Variants in KAZN observed in about 807,000 individuals in gnomAD.
The protein encoded by KAZN is kazrin, periplakin interacting protein, also known as kazrin.
In KAZN, 40 loss-of-function variants were observed where a neutral mutation model predicts 87.4. That is an observed-to-expected ratio of 0.46 (90% CI 0.36 to 0.60). The LOEUF is 0.60. Among genes scored for constraint, KAZN ranks in the 20% least tolerant of loss-of-function variants. KAZN has a pLI of 0.00. For synonymous variants in KAZN, 466 were observed against 458.3 expected (o/e 1.02, Z -0.22); for missense variants, 898 against 1,073.9 (o/e 0.84, Z 2.29).
Position 14,305,958 on chromosome 1 carries a change from G to C in KAZN, c.249+125366G>C, listed in dbSNP as rs142155013. Among the ~76,000 whole-genome samples the C allele has an allele frequency of 4.1e-3, 617 of 152,226 alleles. 2 individuals carry two copies. Among genetic ancestry groups the C allele is most frequent in the African/African-American group, 0.014 (566 of 41,530 alleles). Reference sequence around the variant, plus strand: ...CTTGATGCTTCTGGAAACCCCATGAGAGTTTAGAAAACACGAACCTTGTCC... The same window carrying C: ...CTTGATGCTTCTGGAAACCCCATGACAGTTTAGAAAACACGAACCTTGTCC... On this transcript the variant is annotated intron_variant, in intron 2 of 16. Coordinates refer to the KAZN transcript ENST00000636203.
Position 14,928,528 on chromosome 1 carries a change from A to T in KAZN, c.227-32156A>T, listed in dbSNP as rs180818161. 2.3e-3 allele frequency among the ~76,000 whole-genome samples: 349 copies of T among 152,298 alleles called. 2 individuals are homozygous for T. The highest frequency in any genetic ancestry group is 7.9e-3 in the African/African-American group (329 of 41,566). On this transcript the variant is annotated intron_variant, in intron 1 of 14. Transcript: ENST00000376030. The stretch of plus-strand genomic sequence containing the variant: ...CCTTTAAATTTTTATCCTTAAAAAA[A>T]AAGTTTGTCCTCTCCTTGACATTCC...
At chr1:14,445,980 G>A (rs1350844149) in intron 2 of KAZN, among the ~76,000 whole-genome samples, 2 of 151,444 alleles carry the variant, frequency 1.3e-5, no homozygotes, top group African/African-American at 4.9e-5. Context: ...AGGATCACTT[G>A]AGGCCAGGAG....
intron 4 of KAZN, 111 bp downstream of exon 4, chr1:15,044,270 G>GGGGGGGGGGGGGGGGGGCC: frequency 2.4e-6 from 1 of 413,334 alleles, no homozygotes; most frequent in Non-Finnish European, 4.2e-6. Flanking sequence ...GGTGGGTGGG[G>GGGGGGGGGGGGGGGGGGCC]CAGAGCAGAA....
At chr1:14,582,572 C>T (rs757793032) in intron 2 of KAZN, among the ~76,000 whole-genome samples, 2 of 152,128 alleles carry the variant, frequency 1.3e-5, no homozygotes, top group Non-Finnish European at 2.9e-5. Flanking sequence ...CACTTGTTCC[C>T]AAATCTGGGA....
At chr1:14,963,383 A>G (rs1215605070) in intron 2 of KAZN, among the ~76,000 whole-genome samples, 1 of 152,210 alleles carries the variant, frequency 6.6e-6, no homozygotes, top group Non-Finnish European at 1.5e-5. Context: ...GAAAGTAAAT[A>G]ACTTGACCAG....
At chr1:14,028,426 C>T (rs112223874) in intron 1 of KAZN, among the ~76,000 whole-genome samples, 1 of 152,134 alleles carries the variant, frequency 6.6e-6, no homozygotes, top group African/African-American at 2.4e-5. Flanking sequence ...ATCACCTCCT[C>T]ATGCATAACC....
intron 2 of KAZN, among the ~76,000 whole-genome samples, chr1:14,201,948 G>A (rs569954287): frequency 2.6e-5 from 4 of 152,308 alleles, no homozygotes; most frequent in Non-Finnish European, 4.4e-5. Context: ...GATTACAGGC[G>A]TGAGCCACTG....
intron 1 of KAZN, among the ~76,000 whole-genome samples, chr1:14,168,061 T>G (rs998022885): frequency 6.6e-6 from 1 of 152,236 alleles, no homozygotes; most frequent in African/African-American, 2.4e-5. Flanking sequence ...AAGGTTGACA[T>G]GTCCTTGGCG....
intron 1 of KAZN, among the ~76,000 whole-genome samples, chr1:14,676,702 G>C (rs936551862): frequency 6.6e-6 from 1 of 152,158 alleles, no homozygotes; most frequent in Admixed American, 6.5e-5. Flanking sequence ...AGACACAAAA[G>C]GCCATATATT....
At chr1:15,093,555 A>G (rs1170999396) in intron 8 of KAZN, among the ~76,000 whole-genome samples, 1 of 152,138 alleles carries the variant, frequency 6.6e-6, no homozygotes, top group Non-Finnish European at 1.5e-5. Context: ...GTGAATCTGC[A>G]TTTTTACATA....
chr1:14,419,284 T>C (rs1665140667), intron 2 of KAZN, among the ~76,000 whole-genome samples: 1 of 152,172 alleles, frequency 6.6e-6, no homozygotes, highest in Admixed American at 6.5e-5. Flanking sequence ...CCCAAAGTCA[T>C]AAAGCGCAAA....
chr1:14,964,000 A>G (rs1664177005), intron 2 of KAZN, among the ~76,000 whole-genome samples: 1 of 152,186 alleles, frequency 6.6e-6, no homozygotes, highest in African/African-American at 2.4e-5. Flanking sequence ...CATGTTGTAT[A>G]TGTACCACAT....
intron 2 of KAZN, among the ~76,000 whole-genome samples, chr1:14,183,634 T>C (rs929160508): frequency 6.6e-6 from 1 of 152,178 alleles, no homozygotes; most frequent in African/African-American, 2.4e-5. Context: ...CTTTTACTCA[T>C]ACTGTGTGAC....
At chr1:14,932,542 A>G (rs1425551088) in intron 1 of KAZN, among the ~76,000 whole-genome samples, 1 of 152,142 alleles carries the variant, frequency 6.6e-6, no homozygotes, top group Non-Finnish European at 1.5e-5. Flanking sequence ...AATTGTACTT[A>G]ATTGTAAAAG....
intron 2 of KAZN, among the ~76,000 whole-genome samples, chr1:14,352,116 C>G (rs1382251677): frequency 1.3e-5 from 2 of 152,158 alleles, no homozygotes; most frequent in South Asian, 4.1e-4. Flanking sequence ...AGTATCAAAT[C>G]TTTGTATAAT....
intron 2 of KAZN, among the ~76,000 whole-genome samples, chr1:15,026,918 C>T (rs1041631576): frequency 4.0e-5 from 6 of 151,542 alleles, no homozygotes; most frequent in African/African-American, 7.3e-5. Context: ...TATGTTTCAT[C>T]GGGGACTTGA....
At chr1:14,990,983 T>C (rs1667296052) in intron 2 of KAZN, among the ~76,000 whole-genome samples, 1 of 151,508 alleles carries the variant, frequency 6.6e-6, no homozygotes, top group African/African-American at 2.4e-5. Context: ...GTGATGTGTC[T>C]GCACACCAAG....
chr1:15,042,282 C>G (rs1403691602), intron 3 of KAZN, among the ~76,000 whole-genome samples: 1 of 152,232 alleles, frequency 6.6e-6, no homozygotes, highest in Non-Finnish European at 1.5e-5. Context: ...AGTTTCTACA[C>G]TGTAGCAGAA....
chr1:14,797,863 C>T (rs938085469), intron 1 of KAZN, among the ~76,000 whole-genome samples: 1 of 152,190 alleles, frequency 6.6e-6, no homozygotes, highest in Non-Finnish European at 1.5e-5. Flanking sequence ...GTGCTTAGTG[C>T]AACTCCTAAC....
Sources: allele counts gnomAD v4.1 joint callset (sites outside exome capture counted in the v4.1 genomes callset), GRCh38; gene constraint gnomAD v4.1.1; transcripts MANE v1.5; gene names NCBI Gene and HGNC (gene_info 2026-07-23, HGNC 2026-07-21).